Variants in CCDC3 observed in about 807,000 individuals in gnomAD.
CCDC3 encodes the protein coiled-coil domain containing 3, also known as coiled-coil domain-containing protein 3.
In CCDC3, 24 loss-of-function variants were observed where a neutral mutation model predicts 21.4. That is an observed-to-expected ratio of 1.12 (90% CI 0.81 to 1.58). CCDC3 has a LOEUF of 1.58. Ranked by LOEUF, CCDC3 falls within the 40% of genes most tolerant of loss-of-function variation. The pLI is 0.00. For missense variants in CCDC3, 425 were observed against 360.9 expected (o/e 1.18, Z -1.44); for synonymous variants, 186 against 166.0 (o/e 1.12, Z -0.93).
At chr10:13,011,530 A>C (rs2131398962) in intron 5 of CCDC3, among the ~76,000 whole-genome samples, 1 of 152,340 alleles carries the variant, frequency 6.6e-6, no homozygotes, top group East Asian at 1.9e-4. Context: ...TGCTCAAAAA[A>C]ATCAGAGATG....
At chr10:12,920,621 C>T (rs1416012750) in intron 2 of CCDC3, among the ~76,000 whole-genome samples, 1 of 152,154 alleles carries the variant, frequency 6.6e-6, no homozygotes, top group Non-Finnish European at 1.5e-5. Flanking sequence ...TAATGGCAAA[C>T]TTTAAAAGTT....
intron 2 of CCDC3, among the ~76,000 whole-genome samples, chr10:12,900,762 A>G (rs1834081159): frequency 6.6e-6 from 1 of 151,680 alleles, no homozygotes; most frequent in Non-Finnish European, 1.5e-5. Flanking sequence ...TGATGGGTGA[A>G]GAGCTCAGAC....
exon 4 of CCDC3, chr10:13,074,010 G>A (rs1246239261): frequency 1.3e-5 from 2 of 151,512 alleles, no homozygotes; most frequent in Non-Finnish European, 1.5e-5. Flanking sequence ...ACAGTCTCTT[G>A]AAGAATTCCA....
intron 2 of CCDC3, among the ~76,000 whole-genome samples, chr10:12,997,083 G>A (rs1835772710): frequency 6.6e-6 from 1 of 151,926 alleles, no homozygotes; most frequent in Admixed American, 6.6e-5. Flanking sequence ...ATAAAAGTTG[G>A]AAGGAAAACA....
At chr10:13,058,642 T>C in intron 4 of CCDC3, 1 of 559,722 alleles carries the variant, frequency 1.8e-6, no homozygotes, top group Non-Finnish European at 3.2e-6. Flanking sequence ...TCTCTTCAAG[T>C]TGGCCTTATT....
chr10:12,919,122 GT>G (rs1834406443), intron 2 of CCDC3, among the ~76,000 whole-genome samples: 2 of 152,158 alleles, frequency 1.3e-5, no homozygotes, highest in South Asian at 4.1e-4. Flanking sequence ...TTACCATACA[GT>G]TTTTAAAATG....
chr10:13,057,819 T>G, intron 4 of CCDC3: 1 of 297,944 alleles, frequency 3.4e-6, no homozygotes, highest in East Asian at 8.2e-5. Flanking sequence ...AGGCGGAGGT[T>G]GCAGTGAGCT....
chr10:13,011,730 C>T (rs1293565991), intron 5 of CCDC3, among the ~76,000 whole-genome samples: 1 of 152,052 alleles, frequency 6.6e-6, no homozygotes, highest in African/African-American at 2.4e-5. Flanking sequence ...CAAAAAAGGG[C>T]CCAAATAACC....
chr10:13,031,157 A>G (rs1001310822), intron 5 of CCDC3, among the ~76,000 whole-genome samples: 17 of 152,400 alleles, frequency 1.1e-4, no homozygotes, highest in Middle Eastern at 3.4e-3. Flanking sequence ...CTCAGACCAC[A>G]GTGCAATCAA....
chr10:12,997,815 C>T (rs1219548679), intron 2 of CCDC3, among the ~76,000 whole-genome samples: 1 of 152,080 alleles, frequency 6.6e-6, no homozygotes, highest in African/African-American at 2.4e-5. Context: ...TTGCATTAGC[C>T]CTCTGACATA....
At chr10:12,958,208 A>C (rs1835123676) in intron 2 of CCDC3, among the ~76,000 whole-genome samples, 1 of 152,120 alleles carries the variant, frequency 6.6e-6, no homozygotes. Flanking sequence ...AAAAGTAAAC[A>C]AACAAACAAA....
intron 2 of CCDC3, among the ~76,000 whole-genome samples, chr10:12,935,344 A>T (rs1320108690): frequency 6.6e-6 from 1 of 151,770 alleles, no homozygotes; most frequent in African/African-American, 2.4e-5. Flanking sequence ...TCAGCCTCCC[A>T]AGTAGCTGGG....
In CCDC3 at chr10:12,980,221, C is replaced by T. The variant is rs190209456; in HGVS notation, c.549+18117G>A. 1.5e-3 allele frequency among the ~76,000 whole-genome samples: 227 copies of T among 152,250 alleles called. 1 individual carries two copies. Among genetic ancestry groups the T allele is most frequent in the African/African-American group, 4.8e-3 (201 of 41,552 alleles). On this transcript the variant is annotated intron_variant, in intron 2 of 2. Coordinates refer to ENST00000378825, the MANE Select transcript of CCDC3 (RefSeq NM_031455.4). ...CCAAAAGCATCTGGGTTTGCTTAGA[C>T]CCCTGGGGGAAGCATGGCTCTGCCA...
intron 5 of CCDC3, among the ~76,000 whole-genome samples, chr10:13,042,522 G>C (rs573053994): frequency 1.3e-5 from 2 of 152,192 alleles, no homozygotes; most frequent in Non-Finnish European, 2.9e-5. Context: ...CATCATCTCC[G>C]AATACCTATT....
At chr10:13,039,058 C>T (rs1298991860) in intron 5 of CCDC3, among the ~76,000 whole-genome samples, 2 of 152,162 alleles carry the variant, frequency 1.3e-5, no homozygotes, top group Non-Finnish European at 2.9e-5. Context: ...TGCCACCACG[C>T]ACATGCTTCA....
intron 3 of CCDC3, among the ~76,000 whole-genome samples, chr10:13,097,630 A>C (rs985895425): frequency 5.9e-5 from 9 of 152,216 alleles, no homozygotes; most frequent in Non-Finnish European, 8.8e-5. Flanking sequence ...AGGCTGAGGC[A>C]GGAGAATCAC....
chr10:13,099,393 CCTCTCTCCGTCCCTCCCTCTCTCT>C (rs1832687326), intron 1 of CCDC3: 4 of 144,618 alleles, frequency 2.8e-5, no homozygotes, highest in South Asian at 4.6e-4. Flanking sequence ...TCCCTCTCTC[CCTCTCTCCGTCCCTCCCTCTCTCT>C]CTCTCTCCCC....
intron 4 of CCDC3, among the ~76,000 whole-genome samples, chr10:13,057,430 C>T (rs1024201049): frequency 9.2e-5 from 14 of 151,810 alleles, no homozygotes; most frequent in Middle Eastern, 3.2e-3. Flanking sequence ...ATAAACACAT[C>T]GGATCCCTCA....
chr10:12,965,701 G>A (rs1325551938), intron 2 of CCDC3, among the ~76,000 whole-genome samples: 1 of 152,156 alleles, frequency 6.6e-6, no homozygotes, highest in Non-Finnish European at 1.5e-5. Flanking sequence ...CGTTGTTAAT[G>A]CTTCTTTTCT....
Sources: gnomAD v4.1 joint callset for allele counts (sites outside exome capture counted in the v4.1 genomes callset) on GRCh38, gnomAD v4.1.1 for gene constraint, MANE v1.5 for transcripts, NCBI Gene and HGNC (gene_info 2026-07-23, HGNC 2026-07-21) for gene names.